Variants in TRPC6 observed in about 807,000 individuals in gnomAD.
The protein encoded by TRPC6 is transient receptor potential cation channel subfamily C member 6, also known as short transient receptor potential channel 6.
TRPC6 carries 55 observed loss-of-function variants against 90.7 expected under a neutral mutation model. The observed-to-expected ratio is 0.61, with a 90% CI of 0.49 to 0.76. TRPC6 has a LOEUF of 0.76. TRPC6 is among the 30% of genes least tolerant of loss of function. TRPC6 has a pLI of 0.00. For missense variants in TRPC6, 989 were observed against 1,122.7 expected (o/e 0.88, Z 1.70); for synonymous variants, 393 against 393.0 (o/e 1.00, Z 0.00).
At chr11:101,472,974 A>T (rs1361112353) in intron 7 of TRPC6, among the ~76,000 whole-genome samples, 2 of 152,142 alleles carry the variant, frequency 1.3e-5, no homozygotes, top group Non-Finnish European at 2.9e-5. Flanking sequence ...CTTTATGAAA[A>T]AAAAAACACG....
intron 1 of TRPC6, among the ~76,000 whole-genome samples, chr11:101,543,566 A>T (rs1471207352): frequency 1.3e-5 from 2 of 152,064 alleles, no homozygotes; most frequent in Non-Finnish European, 2.9e-5. Flanking sequence ...CAGAAATCAG[A>T]TTAGAAATAA....
At chr11:101,563,034 G>A (rs1223969452) in intron 1 of TRPC6, among the ~76,000 whole-genome samples, 1 of 152,182 alleles carries the variant, frequency 6.6e-6, no homozygotes, top group South Asian at 2.1e-4. Context: ...GGTTAGAATT[G>A]TGTAGTCCAG....
At chr11:101,543,304 A>G (rs1038402056) in intron 1 of TRPC6, among the ~76,000 whole-genome samples, 1 of 152,114 alleles carries the variant, frequency 6.6e-6, no homozygotes, top group Non-Finnish European at 1.5e-5. Context: ...GCAATTTCTT[A>G]TAAAGTTCAA....
At chr11:101,534,147 T>G (rs1315079395) in intron 1 of TRPC6, among the ~76,000 whole-genome samples, 1 of 151,986 alleles carries the variant, frequency 6.6e-6, no homozygotes, top group Admixed American at 6.6e-5. Context: ...CTCTCTTCTC[T>G]CTCTTTCTGA....
chr11:101,549,495 A>G (rs1452136214), intron 1 of TRPC6, among the ~76,000 whole-genome samples: 2 of 151,740 alleles, frequency 1.3e-5, no homozygotes, highest in Non-Finnish European at 3.0e-5. Flanking sequence ...ACTGGTAGTT[A>G]CCAACTTTGA....
At chr11:101,457,352 A>G (rs536958243) in intron 10 of TRPC6, among the ~76,000 whole-genome samples, 1 of 152,284 alleles carries the variant, frequency 6.6e-6, no homozygotes, top group South Asian at 2.1e-4. Context: ...CCTAATAATT[A>G]GTTTGATATT....
At chr11:101,466,467 CCA>C (rs1279516298) in intron 10 of TRPC6, among the ~76,000 whole-genome samples, 1 of 152,228 alleles carries the variant, frequency 6.6e-6, no homozygotes, top group Admixed American at 6.5e-5. Flanking sequence ...TGGGCTCTGC[CCA>C]GTTTGAACTT....
intron 2 of TRPC6, among the ~76,000 whole-genome samples, chr11:101,500,425 G>T (rs573887120): frequency 6.6e-6 from 1 of 151,914 alleles, no homozygotes; most frequent in African/African-American, 2.4e-5. Flanking sequence ...GGTCAGACTG[G>T]TCTCAAACTC....
At chr11:101,569,392 G>A (rs1449559707) in intron 1 of TRPC6, among the ~76,000 whole-genome samples, 1 of 152,096 alleles carries the variant, frequency 6.6e-6, no homozygotes, top group South Asian at 2.1e-4. Context: ...CCTACAAAGA[G>A]ACTTAGACTT....
At chr11:101,562,631 T>C (rs1461963937) in intron 1 of TRPC6, among the ~76,000 whole-genome samples, 1 of 152,234 alleles carries the variant, frequency 6.6e-6, no homozygotes, top group Non-Finnish European at 1.5e-5. Context: ...TGTAGGTAGC[T>C]ACCTACTGTT....
chr11:101,483,020 G>A lies in TRPC6; in HGVS notation c.1439C>T (p.Ala480Val). The change falls in exon 5 of 13, where the codon GCA becomes GTA. Residue 480 changes from alanine to valine, a missense_variant. Ala to Val is a moderately conservative substitution (Grantham distance 64). Coordinates refer to ENST00000344327, the MANE Select transcript of TRPC6 (RefSeq NM_004621.6). ...LLPNETSTDN[A>V]KQLFRMKTSC... ...TGTTTTCATCCTGAACAGCTGTTTT[G>A]CATTATCTGTGCTGGTTTCATTAGG... 1.2e-6 allele frequency: 2 copies of A among 1,613,996 alleles called. No individual in the cohort carries two copies. The highest frequency in any genetic ancestry group is 2.2e-5 in the South Asian group (2 of 91,082).
At chr11:101,509,144 T>G (rs1323771986) in intron 1 of TRPC6, among the ~76,000 whole-genome samples, 1 of 151,966 alleles carries the variant, frequency 6.6e-6, no homozygotes, top group African/African-American at 2.4e-5. Context: ...TTCTTTTTTT[T>G]TTGAGACAGG....
chr11:101,459,397 A>C (rs1407537619), intron 10 of TRPC6, among the ~76,000 whole-genome samples: 1 of 152,210 alleles, frequency 6.6e-6, no homozygotes, highest in Admixed American at 6.5e-5. Context: ...CTTACACAAA[A>C]GGCTCTCTAG....
chr11:101,469,415 A>G lies in TRPC6; in HGVS notation c.2484+12T>C, dbSNP rs1195572696. On this transcript the variant is annotated intron_variant, in intron 10 of 12. Transcript: ENST00000344327. ...CATGTGCATGACTTCATATTTTCAA[A>G]TATGAGCTTACCTGTTTTTTGTCAA... 1.3e-6 allele frequency: 1 copy of G among 766,664 alleles called. No homozygotes were observed. Among genetic ancestry groups the G allele is most frequent in the Admixed American group, 1.7e-5 (1 of 57,838 alleles). 47.5% of individuals were successfully genotyped at this position (766,664 alleles called of 1,614,324 possible).
At chr11:101,527,641 A>C (rs1860808433) in intron 1 of TRPC6, among the ~76,000 whole-genome samples, 1 of 152,296 alleles carries the variant, frequency 6.6e-6, no homozygotes, top group South Asian at 2.1e-4. Flanking sequence ...ATAAAATTTG[A>C]ATTTTGCTAA....
chr11:101,562,481 A>G (rs1190776399), intron 1 of TRPC6, among the ~76,000 whole-genome samples: 1 of 152,122 alleles, frequency 6.6e-6, no homozygotes, highest in African/African-American at 2.4e-5. Context: ...CTTTTTCACT[A>G]GATATTTTTT....
intron 1 of TRPC6, among the ~76,000 whole-genome samples, chr11:101,520,564 G>C (rs930240021): frequency 6.6e-6 from 1 of 152,180 alleles, no homozygotes; most frequent in African/African-American, 2.4e-5. Flanking sequence ...GATAAGGAAA[G>C]GTTTAGAGCT....
chr11:101,546,702 T>G (rs1739737849), intron 1 of TRPC6, among the ~76,000 whole-genome samples: 1 of 152,178 alleles, frequency 6.6e-6, no homozygotes, highest in African/African-American at 2.4e-5. Context: ...GCAGTGGATT[T>G]CAAAAAAAGT....
chr11:101,524,018 G>C (rs1860719336), intron 1 of TRPC6, among the ~76,000 whole-genome samples: 2 of 152,164 alleles, frequency 1.3e-5, no homozygotes, highest in Non-Finnish European at 2.9e-5. Context: ...GAGAGGAATA[G>C]CCATTGTCTT....
Sources: gnomAD v4.1 joint callset for allele counts (sites outside exome capture counted in the v4.1 genomes callset) on GRCh38, gnomAD v4.1.1 for gene constraint, MANE v1.5 for transcripts, NCBI Gene and HGNC (gene_info 2026-07-23, HGNC 2026-07-21) for gene names.